The following IL20 variants were observed in gnomAD, a reference collection of about 807,000 sequenced individuals.
IL20 encodes the protein interleukin-20.
IL20 carries 22 observed loss-of-function variants against 19.2 expected under a neutral mutation model. That is an observed-to-expected ratio of 1.15 (90% CI 0.82 to 1.64). The LOEUF (loss-of-function observed/expected upper bound fraction) is 1.64. Ranked by LOEUF, IL20 falls within the 40% of genes most tolerant of loss-of-function variation. The pLI is 0.00. For synonymous variants in IL20, 70 were observed against 76.2 expected, an observed-to-expected ratio of 0.92 and a Z score of 0.43; for missense variants, 215 against 212.8, an observed-to-expected ratio of 1.01 and a Z score of -0.06.
At position 206,868,605 on chromosome 1, in the gene IL20, A is replaced by T. The variant is rs1481092446; in HGVS notation, c.*41A>T. ...GCTGCTAAGAATATTCGAGGTCAAGAGCTCCAGTCTTCAATACCTGCAGAG... is the reference window on the plus strand; with the variant it reads ...GCTGCTAAGAATATTCGAGGTCAAGTGCTCCAGTCTTCAATACCTGCAGAG... On this transcript the variant is annotated 3_prime_UTR_variant, in exon 6 of 6. Transcript: ENST00000367098. The T allele has an allele frequency of 6.7e-7, 1 of 1,492,258 alleles. No homozygotes were observed. Among genetic ancestry groups the T allele is most frequent in the Admixed American group, 2.0e-5 (1 of 50,368 alleles). 92.4% of individuals were successfully genotyped at this position (1,492,258 alleles called of 1,614,324 possible). A position where few individuals can be genotyped will look rare whatever the true frequency, so the allele number is the denominator to read the frequency against.
rs571168102 is a variant in IL20, at chr1:206,868,172, A to G, written c.454-315A>G. On this transcript the variant is annotated intron_variant, in intron 5 of 5. Coordinates refer to ENST00000367098, the MANE Select transcript of IL20 (RefSeq NM_018724.4). ...CCTACACACACACACAGGCACGTGC[A>G]CACACACACACACACACGTTTCTTA... Among the ~76,000 whole-genome samples, 1,184 of 148,396 alleles carry G rather than the reference A, an allele frequency of 8.0e-3. 29 individuals carry two copies. Among genetic ancestry groups the G allele is most frequent in the African/African-American group, 0.028 (1,125 of 39,864 alleles).
chr1:206,867,569 C>T (rs980743078), intron 5 of IL20, 111 bp downstream of exon 5: 1 of 904,390 alleles, frequency 1.1e-6, no homozygotes, highest in East Asian at 2.5e-5. Context: ...AGGTTCATAG[C>T]CCTCTGAAAT....
rs766948661 is a variant in IL20, at chr1:206,866,615, C to T, written c.357C>T (p.Ile119=). The T allele has an allele frequency of 1.9e-6, 3 of 1,614,148 alleles. No homozygotes were observed. The highest frequency in any genetic ancestry group is 2.5e-6 in the Non-Finnish European group (3 of 1,179,994). The part of the protein sequence containing the change: ...ISSLANSFLT[I]KKDLRLCHAH... ...GCCTCGCCAATTCCTTTCTTACCAT[C>T]AAGAAGGACCTCCGGCTCTGTGTGA... Residue 119 remains isoleucine, a synonymous_variant, in exon 4 of 6, where the codon ATC becomes ATT. Coordinates refer to ENST00000367098, the MANE Select transcript of IL20 (RefSeq NM_018724.4).
Position 206,868,550 on chromosome 1 carries a change from G to A in IL20, c.517G>A (p.Glu173Lys), listed in dbSNP as rs1260065208. The A allele has an allele frequency of 6.2e-7, 1 of 1,605,376 alleles. No homozygotes were observed. Among genetic ancestry groups the A allele is most frequent in the African/African-American group, 1.3e-5 (1 of 74,462 alleles). Residue 173 changes from glutamate (E) to lysine (K), a missense_variant, in exon 6 of 6, where the codon GAG becomes AAG. Glu to Lys is a moderately conservative substitution (Grantham distance 56). Coordinates refer to ENST00000367098, the MANE Select transcript of IL20 (RefSeq NM_018724.4). ...ACTAGACATTCTTCTGCAATGGATG[G>A]AGGAGACAGAATAGGAGGAAAGTGA... ...GELDILLQWM[E>K]ETE is the part of the protein sequence containing the mutation.
intron 5 of IL20, among the ~76,000 whole-genome samples, 162 bp downstream of exon 5, chr1:206,867,620 C>T (rs2102506386): frequency 6.6e-6 from 1 of 152,248 alleles, no homozygotes; most frequent in Admixed American, 6.5e-5. Flanking sequence ...GGACACCCAT[C>T]CAGGCTCTAG....
upstream of IL20, chr1:206,865,533 G>A (rs1036476277): frequency 1.1e-5 from 12 of 1,122,208 alleles, no homozygotes; most frequent in African/African-American, 1.3e-4. This position sits in a 1 kb window ranked among gnomAD's most constrained non-coding sequence, Gnocchi z 4.1. Flanking sequence ...CACTGCAAGT[G>A]CCTGCTGTTC....
At chr1:206,865,337 T>A (rs1193965836), upstream of IL20, 2 of 205,182 alleles carry the variant, frequency 9.7e-6, no homozygotes, top group African/African-American at 4.7e-5. The surrounding 1 kb of genome is among the most constrained non-coding windows in gnomAD (Gnocchi z 4.1). Context: ...CCAGACAATT[T>A]CCCCCTAGGT....
At chr1:206,868,404 C>T in intron 5 of IL20, 83 bp from the exon 6 acceptor site, 2 of 824,606 alleles carry the variant, frequency 2.4e-6, no homozygotes, top group South Asian at 2.4e-5. Context: ...CAATTGTCAG[C>T]AGACCTATCC....
At position 206,866,652 on chromosome 1, in the gene IL20, G is replaced by T. The variant is rs751771925; in HGVS notation, c.378+16G>T. Reference sequence around the variant, plus strand: ...CCGGCTCTGTGTGAGTGTGGGTCTTGGGTGACAGGATGCATCTCAGCACAC... The same window carrying T: ...CCGGCTCTGTGTGAGTGTGGGTCTTTGGTGACAGGATGCATCTCAGCACAC... On this transcript the variant is annotated intron_variant, in intron 4 of 5. Coordinates refer to ENST00000367098, the MANE Select transcript of IL20 (RefSeq NM_018724.4). The T allele has an allele frequency of 6.2e-7, 1 of 1,612,968 alleles. No individual in the cohort carries two copies.
At chr1:206,867,239 C>T (rs751907113) in intron 4 of IL20, 145 bp from the exon 5 acceptor site, 1 of 624,044 alleles carries the variant, frequency 1.6e-6, no homozygotes, top group Non-Finnish European at 2.8e-6. Flanking sequence ...TTAGTGATTC[C>T]AAATGTGAGG....
In IL20 at chr1:206,865,773, T is replaced by C. The variant is rs956516073; in HGVS notation, c.-30-50T>C. 4.5e-6 allele frequency: 6 copies of C among 1,338,560 alleles called. No homozygotes were observed. In the East Asian group the frequency reaches 9.8e-5, roughly 22 times the overall value. 82.9% of individuals were successfully genotyped at this position (1,338,560 alleles called of 1,614,324 possible). ...CCCCCACCCCTCACCCCGTGGACACTTGGAGGAGGGGAAACTCAGTAAGTC... is the reference window on the plus strand; with the variant it reads ...CCCCCACCCCTCACCCCGTGGACACCTGGAGGAGGGGAAACTCAGTAAGTC... On this transcript the variant is annotated intron_variant, in intron 1 of 5. Coordinates refer to ENST00000367098, the MANE Select transcript of IL20 (RefSeq NM_018724.4). The surrounding 1 kb of genome is among the most constrained non-coding windows in gnomAD (Gnocchi z 4.1).
intron 5 of IL20, 130 bp downstream of exon 5, chr1:206,867,588 C>A (rs1572590529): frequency 2.6e-6 from 2 of 760,590 alleles, no homozygotes; most frequent in East Asian, 2.7e-5. Context: ...ATCATGAGGA[C>A]CAGCCCTTGC....
At position 206,867,419 on chromosome 1, in the gene IL20, A is replaced by G; in HGVS notation, c.414A>G (p.Ala138=). 6.2e-7 allele frequency: 1 copy of G among 1,613,948 alleles called. No individual in the cohort carries two copies. ...AHMTCHCGEE[A]MKKYSQILSH... ...TGACATGCCATTGTGGGGAGGAAGCAATGAAGAAATACAGCCAGATTCTGA... is the reference window on the plus strand; with the variant it reads ...TGACATGCCATTGTGGGGAGGAAGCGATGAAGAAATACAGCCAGATTCTGA... The change falls in exon 5 of 6, where the codon GCA becomes GCG. Residue 138 remains alanine (A), a synonymous_variant. Coordinates refer to ENST00000367098, the MANE Select transcript of IL20 (RefSeq NM_018724.4).
chr1:206,866,138 A>T (rs1251120197), intron 2 of IL20, 127 bp downstream of exon 2: 23 of 1,144,182 alleles, frequency 2.0e-5, no homozygotes, highest in Non-Finnish European at 3.0e-5. Context: ...TACCCGGGGG[A>T]TGTATTCCAA....
At chr1:206,864,530 G>A (rs1179734653), upstream of IL20, among the ~76,000 whole-genome samples, 1 of 151,972 alleles carries the variant, frequency 6.6e-6, no homozygotes, top group Non-Finnish European at 1.5e-5. Flanking sequence ...TACGACTCAT[G>A]ACTTTAAGTT....
chr1:206,867,928 G>A lies in IL20; in HGVS notation c.453+470G>A, dbSNP rs192855705. ...TCAGCCTGGGCATCACTTTCAGGAA[G>A]GTGCTGGCTCCTTCTCTCAGAGTTA... On this transcript the variant is annotated intron_variant, in intron 5 of 5. Transcript: ENST00000367098. 3.9e-3 allele frequency among the ~76,000 whole-genome samples: 597 copies of A among 152,216 alleles called. 10 individuals are homozygous for A. Among genetic ancestry groups the A allele is most frequent in the African/African-American group, 0.014 (566 of 41,510 alleles).
At chr1:206,865,578 A>T, upstream of IL20, 1 of 1,205,744 alleles carries the variant, frequency 8.3e-7, no homozygotes, top group Non-Finnish European at 1.0e-6. This position sits in a 1 kb window ranked among gnomAD's most constrained non-coding sequence, Gnocchi z 4.1. Flanking sequence ...CGGCGGAGCC[A>T]GGATGGGGAC....
chr1:206,864,780 TA>T (rs1677500402), upstream of IL20, among the ~76,000 whole-genome samples: 1 of 152,218 alleles, frequency 6.6e-6, no homozygotes, highest in Non-Finnish European at 1.5e-5. Context: ...TTGTTTGTCA[TA>T]AGCTTTTTAA....
rs995033633 is a variant in IL20 at position 206,868,884 on chromosome 1, C to T, written c.*320C>T. On this transcript the variant is annotated 3_prime_UTR_variant, in exon 6 of 6. Coordinates refer to ENST00000367098, the MANE Select transcript of IL20 (RefSeq NM_018724.4). ...TTGGACATGAAACTTTAAAAAAATT[C>T]ACAGATTATATTTATAACCTGACTA... 6.5e-6 allele frequency: 1 copy of T among 154,542 alleles called. No individual in the cohort carries two copies. The highest frequency in any genetic ancestry group is 1.4e-5 in the Non-Finnish European group (1 of 70,362). The allele number at this position is 154,542 out of a possible 1,614,324, so 9.6% of individuals were successfully genotyped here.
Sources: allele counts gnomAD v4.1 joint callset (sites outside exome capture counted in the v4.1 genomes callset), GRCh38; gene constraint gnomAD v4.1.1; non-coding constraint Gnocchi (gnomAD v3.1); transcripts MANE v1.5; gene names NCBI Gene and HGNC (gene_info 2026-07-23, HGNC 2026-07-21).